RRM2B: variants seen among roughly 807,000 people sequenced by gnomAD.
RRM2B encodes the protein ribonucleoside-diphosphate reductase subunit M2 B.
Under a neutral mutation model 45.9 loss-of-function variants are expected in RRM2B, and 20 were observed. That is an observed-to-expected ratio of 0.44 (90% CI 0.31 to 0.63). The LOEUF is 0.63. Among genes scored for constraint, RRM2B ranks in the 30% least tolerant of loss-of-function variants. RRM2B has a pLI of 0.09. For synonymous variants in RRM2B, 124 were observed against 132.3 expected, an observed-to-expected ratio of 0.94 and a Z score of 0.43; for missense variants, 320 against 414.7, an observed-to-expected ratio of 0.77 and a Z score of 1.98.
chr8:102,230,145 T>C (rs749952690), intron 2 of RRM2B, among the ~76,000 whole-genome samples: 2 of 152,240 alleles, frequency 1.3e-5, no homozygotes, highest in Admixed American at 6.5e-5. Flanking sequence ...CCCCAGACTT[T>C]TGTCTTTTGA....
At chr8:102,210,905 A>G (rs1305532293) in intron 8 of RRM2B, among the ~76,000 whole-genome samples, 1 of 152,170 alleles carries the variant, frequency 6.6e-6, no homozygotes, top group East Asian at 1.9e-4. Flanking sequence ...AGCTCCTACA[A>G]GTTTTGATAC....
chr8:102,228,048 A>G (rs1810964158), intron 2 of RRM2B, among the ~76,000 whole-genome samples: 1 of 152,144 alleles, frequency 6.6e-6, no homozygotes, highest in Non-Finnish European at 1.5e-5. Context: ...CCAAAGTGAC[A>G]TGTATTCCTG....
At chr8:102,224,339 G>A (rs1587178815) in intron 4 of RRM2B, among the ~76,000 whole-genome samples, 199 bp from the exon 5 acceptor site, 2 of 152,010 alleles carry the variant, frequency 1.3e-5, no homozygotes, top group South Asian at 4.2e-4. Flanking sequence ...CCGCCACCAC[G>A]CCCGGCTAGT....
intron 6 of RRM2B, among the ~76,000 whole-genome samples, 171 bp downstream of exon 6, chr8:102,218,643 T>C (rs1469584696): frequency 1.3e-5 from 2 of 150,742 alleles, no homozygotes; most frequent in African/African-American, 4.9e-5. Flanking sequence ...GAGGAATGCT[T>C]GAGCCCAGGG....
In RRM2B at chr8:102,208,112, A is replaced by C. The variant is rs749488858; in HGVS notation, c.*21T>G. 4 of 1,601,564 alleles carry C rather than the reference A, an allele frequency of 2.5e-6. No homozygotes were observed. The highest frequency in any genetic ancestry group is 3.4e-6 in the Non-Finnish European group (4 of 1,169,672). ...CTATTTACCAATGACAAGTTTATAG[A>C]GTTTTAAAACGAGAGGTTTTTTAAA... On this transcript the variant is annotated 3_prime_UTR_variant, in exon 9 of 9. Coordinates refer to ENST00000251810, the MANE Select transcript of RRM2B (RefSeq NM_015713.5).
chr8:102,232,454 TAA>T, intron 1 of RRM2B, 150 bp from the exon 2 acceptor site: 6 of 758,518 alleles, frequency 7.9e-6, no homozygotes, highest in Non-Finnish European at 1.4e-5. Flanking sequence ...GGTAGCTGAC[TAA>T]TACTGTTAGG....
At chr8:102,225,778 A>C in intron 3 of RRM2B, 140 bp downstream of exon 3, 1 of 677,198 alleles carries the variant, frequency 1.5e-6, no homozygotes, top group East Asian at 2.7e-5. Context: ...GCAATTCATC[A>C]GAAAAACATT....
chr8:102,238,622 C>G, intron 1 of RRM2B: 1 of 1,531,936 alleles, frequency 6.5e-7, no homozygotes, highest in Non-Finnish European at 8.7e-7. Context: ...GAGCGGGACG[C>G]AAACCCAAAG....
At chr8:102,225,579 A>G (rs1212998833) in intron 3 of RRM2B, among the ~76,000 whole-genome samples, 1 of 152,164 alleles carries the variant, frequency 6.6e-6, no homozygotes, top group Non-Finnish European at 1.5e-5. Flanking sequence ...CTGATCAACC[A>G]TAATCAAGTT....
rs149257832 is a variant in RRM2B, at chr8:102,205,065, A to T, written c.*3068T>A. On this transcript the variant is annotated 3_prime_UTR_variant, in exon 9 of 9. Transcript: ENST00000251810. ...GATTTCAATTCTGTGCCATTCATCCAGATTCTGCTGGGGAAGATTTCCCAA... is the reference window on the plus strand; with the variant it reads ...GATTTCAATTCTGTGCCATTCATCCTGATTCTGCTGGGGAAGATTTCCCAA... 2.6e-5 allele frequency: 4 copies of T among 152,322 alleles called. No individual in the cohort carries two copies. In the East Asian group the frequency reaches 7.7e-4, roughly 29 times the overall value. The allele number at this position is 152,322 out of a possible 1,614,324, so 9.4% of individuals were successfully genotyped here. A position where few individuals can be genotyped will look rare whatever the true frequency, so the allele number is the denominator to read the frequency against.
At chr8:102,221,025 C>G (rs1810826709) in intron 5 of RRM2B, among the ~76,000 whole-genome samples, 1 of 152,024 alleles carries the variant, frequency 6.6e-6, no homozygotes, top group Admixed American at 6.6e-5. Flanking sequence ...GATTGTGTAG[C>G]TAATATTTTT....
In RRM2B at chr8:102,224,108, G is replaced by A. The variant is rs1426530687; in HGVS notation, c.488C>T (p.Pro163Leu). The A allele has an allele frequency of 6.2e-7, 1 of 1,612,362 alleles. No homozygotes were observed. The highest frequency in any genetic ancestry group is 1.3e-5 in the African/African-American group (1 of 74,800). ...CCAATCTGCTTTTTTCTTAACATAG[G>A]GCATGGTTTCAATTGCATTAAATAA... is the stretch of plus-strand genomic sequence containing the variant. The part of the protein sequence containing the change: ...EFLFNAIETM[P>L]YVKKKADWAL... Residue 163 changes from proline to leucine, a missense_variant, in exon 5 of 9, where the codon CCC becomes CTC. Pro to Leu is a moderately conservative substitution (Grantham distance 98). Around this residue, in one of 3 missense-constraint regions of RRM2B, gnomAD observed 225 missense variants for 289.4 expected, o/e 0.78. Coordinates refer to ENST00000251810, the MANE Select transcript of RRM2B (RefSeq NM_015713.5).
chr8:102,226,571 A>T (rs1810936244), intron 2 of RRM2B, among the ~76,000 whole-genome samples: 1 of 152,194 alleles, frequency 6.6e-6, no homozygotes, highest in African/African-American at 2.4e-5. Flanking sequence ...AATGAATCTC[A>T]ACAGTCACTG....
intron 3 of RRM2B, among the ~76,000 whole-genome samples, chr8:102,225,228 CTTTTTTTTT>C (rs918693739): frequency 4.6e-5 from 4 of 87,510 alleles, no homozygotes; most frequent in Non-Finnish European, 6.4e-5. Context: ...ATAGTATATT[CTTTTTTTTT>C]TTTTTTTTTT....
intron 5 of RRM2B, among the ~76,000 whole-genome samples, chr8:102,222,651 C>T (rs899103275): frequency 6.6e-6 from 1 of 152,084 alleles, no homozygotes; most frequent in African/African-American, 2.4e-5. Context: ...ATCTGAAAAG[C>T]TAAATAAAAT....
intron 2 of RRM2B, among the ~76,000 whole-genome samples, chr8:102,227,851 T>G (rs1810959933): frequency 1.3e-5 from 2 of 152,052 alleles, no homozygotes. Flanking sequence ...TCATGTCTCT[T>G]AAGGGCACTA....
chr8:102,223,744 A>G (rs961727863), intron 5 of RRM2B, among the ~76,000 whole-genome samples: 1 of 151,976 alleles, frequency 6.6e-6, no homozygotes, highest in African/African-American at 2.4e-5. Flanking sequence ...TAAAAGCCAG[A>G]TACAAACTGT....
intron 1 of RRM2B, among the ~76,000 whole-genome samples, chr8:102,236,715 G>A (rs1220424000): frequency 2.0e-5 from 3 of 152,198 alleles, no homozygotes; most frequent in African/African-American, 7.2e-5. Context: ...TAGCCGCACA[G>A]GTGTAAAGTG....
At chr8:102,213,598 A>G (rs772856625) in intron 7 of RRM2B, among the ~76,000 whole-genome samples, 20 of 152,186 alleles carry the variant, frequency 1.3e-4, no homozygotes, top group Non-Finnish European at 2.8e-4. Flanking sequence ...AAATCCGTAC[A>G]TACCCTAACT....
Sources: allele counts gnomAD v4.1 joint callset (sites outside exome capture counted in the v4.1 genomes callset), GRCh38; gene constraint gnomAD v4.1.1; regional missense constraint gnomAD v4.1.1; transcripts MANE v1.5; gene names NCBI Gene and HGNC (gene_info 2026-07-23, HGNC 2026-07-21).